The following SIM1 variants were observed in gnomAD, a reference collection of about 807,000 sequenced individuals.
SIM1 encodes SIM bHLH transcription factor 1, also known as single-minded homolog 1.
A neutral mutation model predicts 78.2 loss-of-function variants in SIM1; 18 were observed. The observed-to-expected ratio is 0.23, with a 90% CI of 0.16 to 0.34. The LOEUF (loss-of-function observed/expected upper bound fraction) is 0.34, where lower values mean the gene tolerates loss of function less well. SIM1 is among the 10% of genes least tolerant of loss of function. SIM1 has a pLI of 1.00. For missense variants in SIM1, 939 were observed against 975.1 expected, an observed-to-expected ratio of 0.96 and a Z score of 0.49; for synonymous variants, 417 against 385.2, an observed-to-expected ratio of 1.08 and a Z score of -0.97.
rs10522700 is a variant in SIM1, at chr6:100,461,841, CTTT to C, written c.175+1450_175+1452del. Among the ~76,000 whole-genome samples the C allele has an allele frequency of 4.0e-3, 453 of 113,328 alleles. 3 individuals carry two copies. The highest frequency in any genetic ancestry group is 6.3e-3 in the South Asian group (22 of 3,476). 74.3% of individuals were successfully genotyped at this position (113,328 alleles called of 152,430 possible). A position where few individuals can be genotyped will look rare whatever the true frequency, so the allele number is the denominator to read the frequency against. On this transcript the variant is annotated intron_variant, in intron 2 of 11. Coordinates refer to ENST00000369208, the MANE Select transcript of SIM1 (RefSeq NM_005068.3). ...TTCTTCTTTTTTTCTTTCTTTCTTTCTTTTTTTTTTTTTTTTTTTAATTTTCAG... is the reference window on the plus strand; with the variant it reads ...TTCTTCTTTTTTTCTTTCTTTCTTTCTTTTTTTTTTTTTTTTAATTTTCAG...
intron 10 of SIM1, among the ~76,000 whole-genome samples, chr6:100,402,511 C>T (rs1243894168): frequency 2.7e-5 from 4 of 150,692 alleles, no homozygotes; most frequent in Non-Finnish European, 5.9e-5. Context: ...TCAGGCAAGC[C>T]TGTGGATGGT....
intron 2 of SIM1, among the ~76,000 whole-genome samples, chr6:100,455,417 G>A (rs1772620446): frequency 6.6e-6 from 1 of 152,098 alleles, no homozygotes; most frequent in African/African-American, 2.4e-5. Flanking sequence ...CCCCGCCACA[G>A]CCACCTGTAC....
At chr6:100,451,116 G>A (rs1361347109) in intron 3 of SIM1, among the ~76,000 whole-genome samples, 1 of 152,212 alleles carries the variant, frequency 6.6e-6, no homozygotes, top group East Asian at 1.9e-4. Context: ...GGAGCAGGAA[G>A]TCCAACAGGA....
intron 10 of SIM1, among the ~76,000 whole-genome samples, chr6:100,419,037 G>A (rs927001845): frequency 3.9e-5 from 6 of 151,974 alleles, no homozygotes; most frequent in African/African-American, 9.7e-5. Context: ...CGTGGTGGCA[G>A]TGCCTGTAAT....
In SIM1 at chr6:100,390,684, T is replaced by C; in HGVS notation, c.1978A>G (p.Ser660Gly). ...TTTGAAATGCGATCCGAATTGGGAC[T>C]ACTTATCCGAGATAGTGCGGTGGGA... ...NSPTALSRIS[S>G]PNSDRISKSS... The change falls in exon 12 of 12, where the codon AGT (serine) becomes GGT (glycine). Residue 660 changes from serine to glycine, a missense_variant. Ser to Gly is a moderately conservative substitution (Grantham distance 56). Transcript: ENST00000369208. The C allele has an allele frequency of 2.5e-6, 4 of 1,614,188 alleles. No homozygotes were observed. The highest frequency in any genetic ancestry group is 3.4e-6 in the Non-Finnish European group (4 of 1,180,028).
chr6:100,461,020 C>G (rs1006760887), intron 2 of SIM1, among the ~76,000 whole-genome samples: 4 of 151,742 alleles, frequency 2.6e-5, no homozygotes, highest in Admixed American at 6.6e-5. Flanking sequence ...TCGTCCATCC[C>G]CTCCTCCCCA....
chr6:100,404,040 A>G (rs1451424176), intron 10 of SIM1, among the ~76,000 whole-genome samples: 1 of 152,230 alleles, frequency 6.6e-6, no homozygotes, highest in East Asian at 1.9e-4. Flanking sequence ...ATGCAGTAAT[A>G]GATTTCAAGT....
At position 100,453,833 on chromosome 6, in the gene SIM1, C is replaced by T; in HGVS notation, c.187G>A (p.Ala63Thr). Residue 63 changes from alanine to threonine, a missense_variant, in exon 3 of 12, where the codon GCG (alanine) becomes ACG (threonine). Physicochemically the swap from Ala to Thr is moderately conservative, Grantham distance 58 (BLOSUM62 0). Coordinates refer to ENST00000369208, the MANE Select transcript of SIM1 (RefSeq NM_005068.3). ...CTGGTCCGACTTGAGTGGCCCCACG[C>T]CTCGCCGAGCCCTGTGGAGACACAG... ...RVVFPEGLGE[A>T]WGHSSRTSPL... 6.2e-7 allele frequency: 1 copy of T among 1,611,718 alleles called. No individual in the cohort carries two copies. The highest frequency in any genetic ancestry group is 8.5e-7 in the Non-Finnish European group (1 of 1,178,972).
chr6:100,390,865 C>G lies in SIM1; in HGVS notation c.1797G>C (p.Gly599=). 2 of 1,614,078 alleles carry G rather than the reference C, an allele frequency of 1.2e-6. No homozygotes were observed. The highest frequency in any genetic ancestry group is 1.7e-6 in the Non-Finnish European group (2 of 1,179,994). Residue 599 remains glycine (G), a synonymous_variant, in exon 12 of 12, where the codon GGG becomes GGC. Transcript: ENST00000369208. ...SDQLASINGA[G]KKHSLCFANY... Reference sequence around the variant, plus strand: ...TTGCAAAACACAGGGAGTGTTTTTTCCCAGCCCCATTAATGGAAGCCAGTT... The same window carrying G: ...TTGCAAAACACAGGGAGTGTTTTTTGCCAGCCCCATTAATGGAAGCCAGTT...
intron 9 of SIM1, among the ~76,000 whole-genome samples, chr6:100,424,570 G>A (rs1447023436): frequency 6.6e-6 from 1 of 151,884 alleles, no homozygotes; most frequent in Non-Finnish European, 1.5e-5. Context: ...CAAGTTGCTG[G>A]GACTACAGGC....
chr6:100,452,506 G>A (rs1024863130), intron 3 of SIM1, among the ~76,000 whole-genome samples: 4 of 152,184 alleles, frequency 2.6e-5, no homozygotes, highest in Non-Finnish European at 5.9e-5. Flanking sequence ...CATGATGGGT[G>A]GGAGAGATGC....
intron 10 of SIM1, among the ~76,000 whole-genome samples, chr6:100,401,577 TA>T (rs1770916713): frequency 6.6e-6 from 1 of 151,156 alleles, no homozygotes; most frequent in South Asian, 2.1e-4. Context: ...TCAAAAAAAA[TA>T]AATAATAATG....
rs1772954682 is a variant in SIM1, at chr6:100,464,918, G to C, written c.-772C>G. ...AACTGCCCCCCGTAACTTCTTTATA[G>C]CTTAAGGGTTTAGCTTCAACTTCAC... On this transcript the variant is annotated 5_prime_UTR_variant, in exon 1 of 12. Transcript: ENST00000369208. 6.6e-6 allele frequency: 1 copy of C among 152,298 alleles called. No homozygotes were observed. Among genetic ancestry groups the C allele is most frequent in the Non-Finnish European group, 1.5e-5 (1 of 68,122 alleles). 9.4% of individuals were successfully genotyped at this position (152,298 alleles called of 1,614,324 possible). A position where few individuals can be genotyped will look rare whatever the true frequency, so the allele number is the denominator to read the frequency against.
intron 10 of SIM1, among the ~76,000 whole-genome samples, chr6:100,401,428 A>G (rs1437852146): frequency 6.6e-6 from 1 of 152,140 alleles, no homozygotes; most frequent in East Asian, 1.9e-4. Flanking sequence ...GATAAAAAGC[A>G]TCTTATGAAT....
chr6:100,407,085 TG>T (rs1439744828), intron 10 of SIM1, among the ~76,000 whole-genome samples: 2 of 152,214 alleles, frequency 1.3e-5, no homozygotes, highest in Non-Finnish European at 2.9e-5. Flanking sequence ...TTTCTTTATG[TG>T]GCCTATTTCA....
intron 9 of SIM1, 127 bp downstream of exon 9, chr6:100,447,141 C>T (rs1772376299): frequency 9.9e-7 from 1 of 1,010,302 alleles, no homozygotes; most frequent in Admixed American, 2.7e-5. Flanking sequence ...GCGCAGCCAG[C>T]ACTCGAGGGT....
chr6:100,391,655 C>T (rs934578911), intron 11 of SIM1, among the ~76,000 whole-genome samples: 4 of 151,982 alleles, frequency 2.6e-5, no homozygotes, highest in Non-Finnish European at 5.9e-5. Context: ...AGTACGGTTA[C>T]AATAAAGCTC....
chr6:100,401,573 A>T (rs1770916452), intron 10 of SIM1, among the ~76,000 whole-genome samples: 1 of 152,106 alleles, frequency 6.6e-6, no homozygotes, highest in Non-Finnish European at 1.5e-5. Flanking sequence ...TGGTTCAAAA[A>T]AAATAAATAA....
chr6:100,463,253 C>A, intron 2 of SIM1, 41 bp downstream of exon 2: 2 of 1,554,586 alleles, frequency 1.3e-6, no homozygotes, highest in Non-Finnish European at 1.8e-6. Context: ...AATCCCCGGC[C>A]CCTTCTGCCT....
Sources: allele counts gnomAD v4.1 joint callset (sites outside exome capture counted in the v4.1 genomes callset), GRCh38; gene constraint gnomAD v4.1.1; transcripts MANE v1.5; gene names NCBI Gene and HGNC (gene_info 2026-07-23, HGNC 2026-07-21).